ST8SIA2: variants seen among roughly 807,000 people sequenced by gnomAD.
ST8SIA2 encodes alpha-2,8-sialyltransferase 8B.
In ST8SIA2, 22 loss-of-function variants were observed where a neutral mutation model predicts 37.6. The ratio of observed to expected loss-of-function variants is 0.58; its 90% CI spans 0.42 to 0.83. ST8SIA2 has a LOEUF of 0.83. ST8SIA2 is among the 40% of genes least tolerant of loss of function. The pLI is 0.00. For missense variants in ST8SIA2, 382 were observed against 484.7 expected (o/e 0.79, Z 1.99); for synonymous variants, 205 against 201.2 (o/e 1.02, Z -0.16).
chr15:92,410,677 C>G lies in ST8SIA2; in HGVS notation c.98+16515C>G, dbSNP rs564421194. On this transcript the variant is annotated intron_variant, in intron 1 of 5. Transcript: ENST00000268164. ...AAAATTCATTATCACCAACAAACAT[C>G]TTATGAGAGTAGTATATCAGCCTAA... is the stretch of plus-strand genomic sequence containing the variant. Among the ~76,000 whole-genome samples the G allele has an allele frequency of 6.0e-4, 92 of 152,328 alleles. 1 individual carries two copies. The highest frequency in any genetic ancestry group is 2.1e-3 in the African/African-American group (87 of 41,572).
At chr15:92,453,365 G>A (rs1369428305) in intron 5 of ST8SIA2, among the ~76,000 whole-genome samples, 1 of 152,140 alleles carries the variant, frequency 6.6e-6, no homozygotes, top group African/African-American at 2.4e-5. Flanking sequence ...ACATTCACTG[G>A]TGATGTGACT....
Position 92,394,003 on chromosome 15 carries a change from G to T in ST8SIA2, c.-62G>T, listed in dbSNP as rs1292024395. ...CGCGGAGGCTCCGGCGTCCGCCGCT[G>T]CGCCCTCCGGCCCCTGCTCCTCGCG... On this transcript the variant is annotated 5_prime_UTR_variant, in exon 1 of 6. Transcript: ENST00000268164. The T allele has an allele frequency of 1.5e-6, 2 of 1,338,210 alleles. No individual in the cohort carries two copies. Among genetic ancestry groups the T allele is most frequent in the South Asian group, 2.7e-5 (2 of 72,980 alleles). 82.9% of individuals were successfully genotyped at this position (1,338,210 alleles called of 1,614,324 possible).
At chr15:92,421,068 T>A (rs1182456409) in intron 1 of ST8SIA2, 2 of 152,218 alleles carry the variant, frequency 1.3e-5, no homozygotes, top group African/African-American at 4.8e-5. Flanking sequence ...TTACTAGAAG[T>A]GCTGCTTGCT....
chr15:92,456,752 G>A (rs780375754), intron 5 of ST8SIA2, among the ~76,000 whole-genome samples: 8 of 152,192 alleles, frequency 5.3e-5, no homozygotes, highest in Non-Finnish European at 1.2e-4. Context: ...CAGATCCCAA[G>A]GGCCTCACAA....
intron 5 of ST8SIA2, among the ~76,000 whole-genome samples, chr15:92,457,164 G>A (rs1001719207): frequency 2.0e-5 from 3 of 152,178 alleles, no homozygotes; most frequent in East Asian, 3.9e-4. Flanking sequence ...GCTGCTGATC[G>A]TTCACAAAGC....
chr15:92,439,594 A>G (rs1186531174), intron 4 of ST8SIA2, among the ~76,000 whole-genome samples: 3 of 152,106 alleles, frequency 2.0e-5, no homozygotes, highest in Admixed American at 1.3e-4. Flanking sequence ...AAGCCGCCCT[A>G]TTGTAGAGTT....
intron 1 of ST8SIA2, among the ~76,000 whole-genome samples, chr15:92,395,779 C>T (rs1460910949): frequency 6.6e-6 from 1 of 152,206 alleles, no homozygotes; most frequent in Non-Finnish European, 1.5e-5. Flanking sequence ...CACTGCCCGG[C>T]TCAGATCACT....
chr15:92,427,255 CT>C (rs2049683114), intron 1 of ST8SIA2, among the ~76,000 whole-genome samples: 1 of 103,392 alleles, frequency 9.7e-6, no homozygotes, highest in Non-Finnish European at 1.9e-5. Context: ...AGGTTGGGCA[CT>C]TGGCAAAAAA....
intron 1 of ST8SIA2, among the ~76,000 whole-genome samples, chr15:92,394,486 C>A (rs2049414786): frequency 6.6e-6 from 1 of 152,084 alleles, no homozygotes; most frequent in Non-Finnish European, 1.5e-5. Flanking sequence ...CGAGGGAGGG[C>A]GCCGGGGAGT....
intron 4 of ST8SIA2, among the ~76,000 whole-genome samples, chr15:92,440,864 C>T (rs17646850): frequency 0.034 from 5,195 of 152,274 alleles, 448 homozygotes; most frequent in East Asian, 0.32. Flanking sequence ...TATGTGAATA[C>T]GCCTGGGATG....
chr15:92,449,903 T>C (rs1225406904), intron 5 of ST8SIA2, among the ~76,000 whole-genome samples: 2 of 152,230 alleles, frequency 1.3e-5, no homozygotes, highest in Non-Finnish European at 2.9e-5. Flanking sequence ...TATTAGACCT[T>C]TGTCGGATGC....
chr15:92,397,884 A>G (rs1378097558), intron 1 of ST8SIA2, among the ~76,000 whole-genome samples: 1 of 152,204 alleles, frequency 6.6e-6, no homozygotes, highest in Non-Finnish European at 1.5e-5. Flanking sequence ...TGTAATCCCA[A>G]CACTTTGGGA....
intron 1 of ST8SIA2, among the ~76,000 whole-genome samples, chr15:92,428,332 A>T (rs2049691367): frequency 6.6e-6 from 1 of 152,180 alleles, no homozygotes; most frequent in Admixed American, 6.5e-5. Context: ...TAAATCCGTG[A>T]TGTTTTTTCT....
chr15:92,440,941 C>G (rs780094791), intron 4 of ST8SIA2, among the ~76,000 whole-genome samples: 1 of 152,234 alleles, frequency 6.6e-6, no homozygotes, highest in Non-Finnish European at 1.5e-5. Flanking sequence ...CTCCACCCAC[C>G]TCACCCCCAG....
At chr15:92,437,594 G>A (rs2049767818) in intron 3 of ST8SIA2, among the ~76,000 whole-genome samples, 1 of 151,968 alleles carries the variant, frequency 6.6e-6, no homozygotes, top group East Asian at 1.9e-4. Flanking sequence ...AGCAACTAGA[G>A]GGGGCAGCAA....
intron 1 of ST8SIA2, among the ~76,000 whole-genome samples, chr15:92,395,280 G>T (rs960966007): frequency 6.6e-6 from 1 of 152,220 alleles, no homozygotes; most frequent in African/African-American, 2.4e-5. Context: ...CTCGAGTCCC[G>T]CGCCGCGTGC....
intron 1 of ST8SIA2, 100 bp from the exon 2 acceptor site, chr15:92,429,949 C>T: frequency 7.7e-7 from 1 of 1,292,934 alleles, no homozygotes; most frequent in Admixed American, 1.8e-5. Flanking sequence ...CTTCCACCCT[C>T]TGTAGTTTTC....
At chr15:92,448,305 C>T (rs1025044956) in intron 5 of ST8SIA2, among the ~76,000 whole-genome samples, 1 of 152,218 alleles carries the variant, frequency 6.6e-6, no homozygotes, top group Non-Finnish European at 1.5e-5. Context: ...CCATTGGACT[C>T]TGCAGGGTGC....
intron 4 of ST8SIA2, among the ~76,000 whole-genome samples, chr15:92,441,922 C>T (rs1259463917): frequency 6.6e-6 from 1 of 152,166 alleles, no homozygotes; most frequent in African/African-American, 2.4e-5. Context: ...CAAGCTGCCT[C>T]TCTCACCCTG....
Sources: allele counts gnomAD v4.1 joint callset (sites outside exome capture counted in the v4.1 genomes callset), GRCh38; gene constraint gnomAD v4.1.1; transcripts MANE v1.5; gene names NCBI Gene and HGNC (gene_info 2026-07-23, HGNC 2026-07-21).